Variants in NEDD4L observed in about 807,000 individuals in gnomAD.
NEDD4L encodes E3 ubiquitin-protein ligase NEDD4-like.
Under a neutral mutation model 148.9 loss-of-function variants are expected in NEDD4L, and 54 were observed. The ratio of observed to expected loss-of-function variants is 0.36; its 90% CI spans 0.29 to 0.45. The LOEUF (loss-of-function observed/expected upper bound fraction) is 0.45, where lower values mean the gene tolerates loss of function less well. Among genes scored for constraint, NEDD4L ranks in the 20% least tolerant of loss-of-function variants. The pLI is 1.00. For missense variants in NEDD4L, 856 were observed against 1,233.8 expected (o/e 0.69, Z 4.59); for synonymous variants, 433 against 440.7 (o/e 0.98, Z 0.22).
At chr18:58,066,067 C>T (rs1188730293) in intron 1 of NEDD4L, among the ~76,000 whole-genome samples, 2 of 152,212 alleles carry the variant, frequency 1.3e-5, no homozygotes, top group African/African-American at 4.8e-5. Flanking sequence ...AGGAAGGAAA[C>T]TTGGTAGATT....
chr18:58,145,267 G>C (rs1176301580), intron 1 of NEDD4L, among the ~76,000 whole-genome samples: 1 of 152,196 alleles, frequency 6.6e-6, no homozygotes, highest in Non-Finnish European at 1.5e-5. Flanking sequence ...ACAAGGGAAG[G>C]GTGGATTTGC....
intron 6 of NEDD4L, among the ~76,000 whole-genome samples, chr18:58,319,909 G>A (rs1485734008): frequency 5.3e-5 from 8 of 152,128 alleles, no homozygotes; most frequent in Non-Finnish European, 2.9e-5. Context: ...TCAGTTGATT[G>A]GTTTGATCCT....
intron 2 of NEDD4L, among the ~76,000 whole-genome samples, chr18:58,223,479 G>A (rs1217447297): frequency 6.6e-6 from 1 of 152,178 alleles, no homozygotes; most frequent in Non-Finnish European, 1.5e-5. Flanking sequence ...CAAGTGATGG[G>A]ACAGGAGCTT....
At chr18:58,343,923 G>A (rs1240592791) in intron 16 of NEDD4L, among the ~76,000 whole-genome samples, 6 of 152,122 alleles carry the variant, frequency 3.9e-5, no homozygotes, top group African/African-American at 7.2e-5. Context: ...ACCGGTTCCC[G>A]TATTTCTGGC....
chr18:58,304,391 G>A (rs1048256206), intron 5 of NEDD4L, among the ~76,000 whole-genome samples: 4 of 151,660 alleles, frequency 2.6e-5, no homozygotes, highest in African/African-American at 7.3e-5. Context: ...GTACATGCCT[G>A]TAGTCTTAGC....
At chr18:58,176,520 A>G (rs1204666247) in intron 2 of NEDD4L, among the ~76,000 whole-genome samples, 1 of 152,090 alleles carries the variant, frequency 6.6e-6, no homozygotes, top group Non-Finnish European at 1.5e-5. Context: ...ATTTTTATAG[A>G]GGTGTTGTCT....
rs2050832358 is a variant in NEDD4L, at chr18:58,401,345, G to A, written c.*5076G>A. The A allele has an allele frequency of 6.6e-6, 1 of 152,176 alleles. No homozygotes were observed. The highest frequency in any genetic ancestry group is 2.4e-5 in the African/African-American group (1 of 41,432). 9.4% of individuals were successfully genotyped at this position (152,176 alleles called of 1,614,324 possible). A position where few individuals can be genotyped will look rare whatever the true frequency, so the allele number is the denominator to read the frequency against. On this transcript the variant is annotated 3_prime_UTR_variant, in exon 31 of 31. Coordinates refer to ENST00000400345, the MANE Select transcript of NEDD4L (RefSeq NM_001144967.3). ...GTCAGAATAGCTTTAAAATATGGTT[G>A]AATTTGATACACACAGGAAGTTTTC...
chr18:58,260,048 C>T (rs1429943119), intron 5 of NEDD4L, among the ~76,000 whole-genome samples: 1 of 152,078 alleles, frequency 6.6e-6, no homozygotes, highest in Non-Finnish European at 1.5e-5. Context: ...ATTAACCACC[C>T]CTTTATTTTA....
At chr18:58,387,637 A>G (rs1043151064) in intron 27 of NEDD4L, 139 bp downstream of exon 27, 1 of 1,002,706 alleles carries the variant, frequency 1.0e-6, no homozygotes, top group African/African-American at 1.7e-5. Context: ...CATGTCTCTT[A>G]TAGGGCTTAT....
chr18:58,053,610 A>G (rs756426056), intron 1 of NEDD4L, among the ~76,000 whole-genome samples: 4 of 152,142 alleles, frequency 2.6e-5, no homozygotes, highest in Non-Finnish European at 4.4e-5. Context: ...TGCCCGGCCA[A>G]CAATTTTTAC....
chr18:58,044,795 G>A, intron 1 of NEDD4L, 87 bp downstream of exon 1: 2 of 1,512,406 alleles, frequency 1.3e-6, no homozygotes, highest in Non-Finnish European at 1.8e-6. Context: ...CCGTCCCCGG[G>A]GTGCTCGTGC....
chr18:58,312,879 C>T (rs1034112152), intron 5 of NEDD4L, among the ~76,000 whole-genome samples: 1 of 152,214 alleles, frequency 6.6e-6, no homozygotes, highest in African/African-American at 2.4e-5. Context: ...GGGATTTCGC[C>T]ATATTGGCCG....
intron 2 of NEDD4L, among the ~76,000 whole-genome samples, chr18:58,186,936 T>C (rs770438574): frequency 2.6e-5 from 4 of 152,258 alleles, no homozygotes; most frequent in South Asian, 2.1e-4. Flanking sequence ...GGGTTCTCAC[T>C]TGATCATTTA....
At chr18:58,164,466 CA>C (rs1358814396) in intron 1 of NEDD4L, among the ~76,000 whole-genome samples, 3 of 152,182 alleles carry the variant, frequency 2.0e-5, no homozygotes, top group Non-Finnish European at 4.4e-5. Flanking sequence ...AGTGGTGTCG[CA>C]AGGAACCTTA....
intron 5 of NEDD4L, among the ~76,000 whole-genome samples, chr18:58,277,010 C>T (rs1487581624): frequency 6.6e-6 from 1 of 152,060 alleles, no homozygotes; most frequent in Non-Finnish European, 1.5e-5. Context: ...TTTTTAGTGC[C>T]AGGCTCCGGG....
At chr18:58,310,568 C>G (rs1282114436) in intron 5 of NEDD4L, among the ~76,000 whole-genome samples, 1 of 152,204 alleles carries the variant, frequency 6.6e-6, no homozygotes, top group Non-Finnish European at 1.5e-5. Flanking sequence ...AAGGCAGAGG[C>G]ACCACCCAGG....
At chr18:58,283,550 C>T (rs1377610456) in intron 5 of NEDD4L, among the ~76,000 whole-genome samples, 2 of 152,160 alleles carry the variant, frequency 1.3e-5, no homozygotes, top group East Asian at 3.9e-4. Context: ...CTAAAGACTA[C>T]AATACTATCC....
chr18:58,235,787 T>G lies in NEDD4L; in HGVS notation c.123-9640T>G, dbSNP rs182053633. On this transcript the variant is annotated intron_variant, in intron 2 of 30. Transcript: ENST00000400345. Reference sequence around the variant, plus strand: ...TACAATCTGTGTCTCTGTGGGTGTTTTCTTTTAAGGCTGTGTGCTTTATAA... The same window carrying G: ...TACAATCTGTGTCTCTGTGGGTGTTGTCTTTTAAGGCTGTGTGCTTTATAA... 3.0e-4 allele frequency among the ~76,000 whole-genome samples: 46 copies of G among 152,324 alleles called. 1 individual carries two copies. In the East Asian group the frequency reaches 8.9e-3, roughly 29 times the overall value.
In NEDD4L at chr18:58,401,425, G is replaced by A. The variant is rs1309150360; in HGVS notation, c.*5156G>A. On this transcript the variant is annotated 3_prime_UTR_variant, in exon 31 of 31. Coordinates refer to ENST00000400345, the MANE Select transcript of NEDD4L (RefSeq NM_001144967.3). The stretch of plus-strand genomic sequence containing the variant: ...TTCTTGAGAGATCTAAAGAGAAACT[G>A]TAGATTGTTTTCCTGACAGCAAAAG... 1 of 152,186 alleles carries A rather than the reference G, an allele frequency of 6.6e-6. No homozygotes were observed. The highest frequency in any genetic ancestry group is 2.4e-5 in the African/African-American group (1 of 41,454). 9.4% of individuals were successfully genotyped at this position (152,186 alleles called of 1,614,324 possible). A position where few individuals can be genotyped will look rare whatever the true frequency, so the allele number is the denominator to read the frequency against.
Sources: gnomAD v4.1 joint callset for allele counts (sites outside exome capture counted in the v4.1 genomes callset) on GRCh38, gnomAD v4.1.1 for gene constraint, MANE v1.5 for transcripts, NCBI Gene and HGNC (gene_info 2026-07-23, HGNC 2026-07-21) for gene names.